The following NSD3 variants were observed in gnomAD, a reference collection of about 807,000 sequenced individuals.
NSD3 encodes the protein histone-lysine N-methyltransferase NSD3.
NSD3 carries 24 observed loss-of-function variants against 160.8 expected under a neutral mutation model. That is an observed-to-expected ratio of 0.15 (90% CI 0.11 to 0.21). NSD3 has a LOEUF of 0.21. Ranked by LOEUF, NSD3 falls within the 10% of genes least tolerant of loss-of-function variation. The pLI, the probability that NSD3 is intolerant of heterozygous loss-of-function variation, is 1.00. For synonymous variants in NSD3, 520 were observed against 600.0 expected (o/e 0.87, Z 1.95); for missense variants, 1,157 against 1,735.9 (o/e 0.67, Z 5.93).
chr8:38,363,262 G>T (rs193240902), intron 1 of NSD3, among the ~76,000 whole-genome samples: 2 of 152,312 alleles, frequency 1.3e-5, no homozygotes, highest in South Asian at 4.1e-4. Flanking sequence ...TATTCAGGTG[G>T]ACCCAACATA....
intron 12 of NSD3, among the ~76,000 whole-genome samples, chr8:38,307,525 G>A (rs776204505): frequency 3.3e-5 from 5 of 152,202 alleles, no homozygotes; most frequent in African/African-American, 4.8e-5. Flanking sequence ...AACATTGTTT[G>A]TAATTGCAAA....
chr8:38,309,211 T>C (rs1176763723), intron 12 of NSD3, among the ~76,000 whole-genome samples: 1 of 151,784 alleles, frequency 6.6e-6, no homozygotes, highest in East Asian at 1.9e-4. Flanking sequence ...CTCACACCTG[T>C]AATCCCAGCA....
chr8:38,380,045 C>G lies in NSD3; in HGVS notation c.-45+1754G>C, dbSNP rs140594713. 5.2e-3 allele frequency among the ~76,000 whole-genome samples: 797 copies of G among 152,160 alleles called. 3 individuals carry two copies. Among genetic ancestry groups the G allele is most frequent in the African/African-American group, 0.018 (761 of 41,510 alleles). On this transcript the variant is annotated intron_variant, in intron 1 of 23. Transcript: ENST00000317025. ...AAAAAACGAACAAACAAAACAACAACAAAAAAACCCTGGCATCTCAATGAG... is the reference window on the plus strand; with the variant it reads ...AAAAAACGAACAAACAAAACAACAAGAAAAAAACCCTGGCATCTCAATGAG...
At chr8:38,323,220 A>G (rs1238328354) in intron 7 of NSD3, among the ~76,000 whole-genome samples, 10 of 151,720 alleles carry the variant, frequency 6.6e-5, no homozygotes, top group Non-Finnish European at 1.3e-4. Context: ...ATGCCCAGCT[A>G]ATTTTTTTTT....
intron 1 of NSD3, among the ~76,000 whole-genome samples, chr8:38,374,472 C>T (rs1811338471): frequency 6.6e-6 from 1 of 151,910 alleles, no homozygotes; most frequent in Non-Finnish European, 1.5e-5. Flanking sequence ...AGTAATCATA[C>T]AGAGCCCGGC....
chr8:38,336,717 A>C (rs1563359209), intron 4 of NSD3, among the ~76,000 whole-genome samples: 1 of 152,216 alleles, frequency 6.6e-6, no homozygotes, highest in Non-Finnish European at 1.5e-5. Context: ...AGTCAGATTA[A>C]GGTCTTTAAA....
intron 12 of NSD3, among the ~76,000 whole-genome samples, 165 bp from the exon 13 acceptor site, chr8:38,305,610 G>A (rs1809375423): frequency 6.6e-6 from 1 of 152,156 alleles, no homozygotes; most frequent in African/African-American, 2.4e-5. Context: ...TTAAAATTAT[G>A]TTTTAAATTT....
In NSD3 at chr8:38,315,459, G is replaced by T; in HGVS notation, c.2072C>A (p.Ser691Ter). Residue 691 changes from serine to a stop codon, truncating the protein, a stop_gained, in exon 11 of 24, where the codon TCG becomes TAG. Coordinates refer to ENST00000317025, the MANE Select transcript of NSD3 (RefSeq NM_023034.2). LOFTEE classifies it high-confidence loss of function. ...CTTACTCATTCCAGTGCCTCTTCTCGACAAACTTGAATCCATGGACTGCAC... is the reference window on the plus strand; with the variant it reads ...CTTACTCATTCCAGTGCCTCTTCTCTACAAACTTGAATCCATGGACTGCAC... ...SDVQSMDSSL[S>*]RRGTGMSKKD... 1 of 1,604,722 alleles carries T rather than the reference G, an allele frequency of 6.2e-7. No individual in the cohort carries two copies. The highest frequency in any genetic ancestry group is 1.1e-5 in the South Asian group (1 of 89,098).
rs971363006 is a variant in NSD3, at chr8:38,288,424, C to T, written c.3501+63G>A. 1 of 1,573,468 alleles carries T rather than the reference C, an allele frequency of 6.4e-7. No homozygotes were observed. The highest frequency in any genetic ancestry group is 1.2e-5 in the South Asian group (1 of 83,904). On this transcript the variant is annotated intron_variant, in intron 19 of 23. Coordinates refer to ENST00000317025, the MANE Select transcript of NSD3 (RefSeq NM_023034.2). The surrounding 1 kb of genome is among the most constrained non-coding windows in gnomAD (Gnocchi z 4.5). The stretch of plus-strand genomic sequence containing the variant: ...ATTTTATCCCTAGAACTATACCCTA[C>T]TGAAGCATTCCTGAAAAGCCAGGTT...
At chr8:38,301,173 G>T (rs1314741275) in intron 14 of NSD3, among the ~76,000 whole-genome samples, 1 of 152,062 alleles carries the variant, frequency 6.6e-6, no homozygotes, top group Non-Finnish European at 1.5e-5. Context: ...GTCTTGCTAT[G>T]TTGCCCAGGC....
chr8:38,295,647 G>T, intron 16 of NSD3, 149 bp downstream of exon 16: 1 of 717,414 alleles, frequency 1.4e-6, no homozygotes, highest in Non-Finnish European at 2.2e-6. Flanking sequence ...TAAGAACCCA[G>T]CCTCAAAACA....
chr8:38,312,457 A>G (rs1809556160), intron 12 of NSD3, among the ~76,000 whole-genome samples: 1 of 152,152 alleles, frequency 6.6e-6, no homozygotes, highest in African/African-American at 2.4e-5. Context: ...TCCTATCAAT[A>G]TCTTAAATCA....
intron 1 of NSD3, among the ~76,000 whole-genome samples, chr8:38,378,476 C>T (rs969166059): frequency 1.3e-5 from 2 of 152,124 alleles, no homozygotes; most frequent in Non-Finnish European, 2.9e-5. Flanking sequence ...CCTGTCTCTA[C>T]TAAAAAATAC....
Position 38,296,831 on chromosome 8 carries a change from C to T in NSD3, c.2759-879G>A, listed in dbSNP as rs928178803. ...GCCTCAAGCAATCCTCCTGCCTCAG[C>T]CGCCCAAACTGTTGGGATTACAGGC... is the stretch of plus-strand genomic sequence containing the variant. On this transcript the variant is annotated intron_variant, in intron 15 of 23. Coordinates refer to ENST00000317025, the MANE Select transcript of NSD3 (RefSeq NM_023034.2). 2.0e-5 allele frequency among the ~76,000 whole-genome samples: 3 copies of T among 152,032 alleles called. No individual in the cohort carries two copies. The East Asian group carries it at 5.8e-4, about 29-fold the overall frequency.
rs766732697 is a variant in NSD3, at chr8:38,315,444, C to T, written c.2087G>A (p.Gly696Glu). 2 of 1,601,596 alleles carry T rather than the reference C, an allele frequency of 1.2e-6. No homozygotes were observed. Among genetic ancestry groups the T allele is most frequent in the East Asian group, 4.5e-5 (2 of 44,692 alleles). Residue 696 changes from glycine (G) to glutamate (E), a missense_variant, in exon 11 of 24, where the codon GGA (glycine) becomes GAA (glutamate). Physicochemically the swap from Gly to Glu is moderately conservative, Grantham distance 98 (BLOSUM62 -2). This residue lies in a region of NSD3 where 437 missense variants were observed against 576.6 expected (regional missense o/e 0.76). Coordinates refer to ENST00000317025, the MANE Select transcript of NSD3 (RefSeq NM_023034.2). ...ACATACAGTGTCCTTCTTACTCATT[C>T]CAGTGCCTCTTCTCGACAAACTTGA... is the stretch of plus-strand genomic sequence containing the variant. ...MDSSLSRRGT[G>E]MSKKDTVCQI...
At chr8:38,376,436 TTTC>T (rs1257276423) in intron 1 of NSD3, among the ~76,000 whole-genome samples, 2 of 151,812 alleles carry the variant, frequency 1.3e-5, no homozygotes, top group African/African-American at 4.8e-5. Flanking sequence ...TAATTCTTTC[TTTC>T]TTTTTTTTTT....
rs954929063 is a variant in NSD3 at position 38,270,866 on chromosome 8, A to G, written c.*4775T>C. ...CTCATCCCCCTCCCGCTTCATACAT[A>G]CGTGCCACAAGCACCCAAACTTGTC... On this transcript the variant is annotated 3_prime_UTR_variant, in exon 24 of 24. Coordinates refer to ENST00000317025, the MANE Select transcript of NSD3 (RefSeq NM_023034.2). 6.6e-6 allele frequency: 1 copy of G among 152,248 alleles called. No individual in the cohort carries two copies. The highest frequency in any genetic ancestry group is 2.4e-5 in the African/African-American group (1 of 41,470). The allele number at this position is 152,248 out of a possible 1,614,324, so 9.4% of individuals were successfully genotyped here. A position where few individuals can be genotyped will look rare whatever the true frequency, so the allele number is the denominator to read the frequency against.
At chr8:38,276,074 A>G (rs377425689) in intron 23 of NSD3, among the ~76,000 whole-genome samples, 192 bp from the exon 24 acceptor site, 3 of 152,306 alleles carry the variant, frequency 2.0e-5, no homozygotes, top group East Asian at 3.9e-4. Flanking sequence ...CCAAAACCCA[A>G]CGCCACAGGT....
intron 2 of NSD3, 39 bp from the exon 3 acceptor site, chr8:38,338,646 T>C (rs1480626789): frequency 2.7e-6 from 4 of 1,508,400 alleles, no homozygotes; most frequent in Non-Finnish European, 3.7e-6. Flanking sequence ...TAAAATGGCA[T>C]TAAATAAACA....
Sources: gnomAD v4.1 joint callset for allele counts (sites outside exome capture counted in the v4.1 genomes callset) on GRCh38, gnomAD v4.1.1 for gene constraint, gnomAD v4.1.1 regional missense constraint, Gnocchi (gnomAD v3.1) non-coding constraint, MANE v1.5 for transcripts, NCBI Gene and HGNC (gene_info 2026-07-23, HGNC 2026-07-21) for gene names.